SENP6: variants seen among roughly 807,000 people sequenced by gnomAD.
The protein encoded by SENP6 is SUMO specific peptidase 6.
Under a neutral mutation model 134.5 loss-of-function variants are expected in SENP6, and 41 were observed. The observed-to-expected ratio is 0.30, with a 90% CI of 0.24 to 0.40. The LOEUF is 0.40. SENP6 is among the 10% of genes least tolerant of loss of function. The pLI, the probability that SENP6 is intolerant of heterozygous loss-of-function variation, is 1.00. For synonymous variants in SENP6, 395 were observed against 429.8 expected, an observed-to-expected ratio of 0.92 and a Z score of 1.00; for missense variants, 1,248 against 1,312.5, an observed-to-expected ratio of 0.95 and a Z score of 0.76.
intron 16 of SENP6, among the ~76,000 whole-genome samples, chr6:75,686,442 T>C (rs1435295210): frequency 6.6e-6 from 1 of 152,352 alleles, no homozygotes; most frequent in East Asian, 1.9e-4. Context: ...GTCATTATGA[T>C]GTTCGCTGGT....
chr6:75,666,397 T>C (rs531156815), intron 9 of SENP6, among the ~76,000 whole-genome samples: 1 of 150,502 alleles, frequency 6.6e-6, no homozygotes, highest in Non-Finnish European at 1.5e-5. Flanking sequence ...GAAATAGACC[T>C]ACTGTTCTTC....
chr6:75,700,423 A>G (rs913638394), intron 18 of SENP6, among the ~76,000 whole-genome samples: 1 of 152,200 alleles, frequency 6.6e-6, no homozygotes, highest in African/African-American at 2.4e-5. Context: ...AAATATTAAG[A>G]ACTGTGATAG....
chr6:75,706,756 CAT>C (rs528204436), intron 19 of SENP6, among the ~76,000 whole-genome samples: 235 of 152,306 alleles, frequency 1.5e-3, no homozygotes, highest in African/African-American at 4.9e-3. Flanking sequence ...AGTGATTTCA[CAT>C]AGAGTCAACA....
At chr6:75,603,934 C>T (rs888136425) in intron 1 of SENP6, among the ~76,000 whole-genome samples, 2 of 152,178 alleles carry the variant, frequency 1.3e-5, no homozygotes, top group Non-Finnish European at 2.9e-5. Context: ...TTCGTATTAC[C>T]TCCATTCCAG....
At chr6:75,617,427 C>T (rs1767946238) in intron 1 of SENP6, among the ~76,000 whole-genome samples, 1 of 151,802 alleles carries the variant, frequency 6.6e-6, no homozygotes, top group South Asian at 2.1e-4. Context: ...GCATGCACCA[C>T]CACACCGGCT....
intron 3 of SENP6, 135 bp downstream of exon 3, chr6:75,624,095 TTTG>T: frequency 3.2e-6 from 2 of 625,596 alleles, no homozygotes; most frequent in Non-Finnish European, 5.4e-6. Flanking sequence ...GTGTTCCCAG[TTTG>T]TTATTTATCA....
rs1776023935 is a variant in SENP6 at position 75,716,431 on chromosome 6, A to G, written c.*837A>G. The stretch of plus-strand genomic sequence containing the variant: ...ATAAGCATTTTTAATCTGTGTAAAC[A>G]CAGGAATTTAAATAGGAATTTACTA... On this transcript the variant is annotated 3_prime_UTR_variant, in exon 24 of 24. Transcript: ENST00000447266. 6.6e-6 allele frequency: 1 copy of G among 152,020 alleles called. No homozygotes were observed. The highest frequency in any genetic ancestry group is 1.5e-5 in the Non-Finnish European group (1 of 67,868). 9.4% of individuals were successfully genotyped at this position (152,020 alleles called of 1,614,324 possible).
At chr6:75,698,480 C>T (rs1328643737) in intron 18 of SENP6, among the ~76,000 whole-genome samples, 6 of 151,732 alleles carry the variant, frequency 4.0e-5, no homozygotes, top group Non-Finnish European at 4.4e-5. Flanking sequence ...CTAGCTGTGC[C>T]AAGCTAGCTT....
intron 7 of SENP6, among the ~76,000 whole-genome samples, chr6:75,657,285 T>A (rs921213989): frequency 2.0e-5 from 3 of 152,240 alleles, no homozygotes; most frequent in African/African-American, 7.2e-5. Context: ...CCAAAATGTC[T>A]GCCTTCTTTT....
rs1772088589 is a variant in SENP6, at chr6:75,665,038, G to A, written c.994+1520G>A. 2.0e-5 allele frequency among the ~76,000 whole-genome samples: 3 copies of A among 152,206 alleles called. No individual in the cohort carries two copies. The South Asian group carries it at 6.2e-4, about 31-fold the overall frequency. On this transcript the variant is annotated intron_variant, in intron 9 of 23. Coordinates refer to ENST00000447266, the MANE Select transcript of SENP6 (RefSeq NM_015571.4). ...GCATTGGGTCATGCCTGTAATCCCAGCACTTTGGGAGGCTGAGGCGGGCGG... is the reference window on the plus strand; with the variant it reads ...GCATTGGGTCATGCCTGTAATCCCAACACTTTGGGAGGCTGAGGCGGGCGG...
chr6:75,618,015 C>G (rs1582676792), intron 1 of SENP6, among the ~76,000 whole-genome samples: 1 of 152,184 alleles, frequency 6.6e-6, no homozygotes, highest in African/African-American at 2.4e-5. Context: ...TTAAAGGGTA[C>G]ATGCCATGAA....
At position 75,648,472 on chromosome 6, in the gene SENP6, A is replaced by C. The variant is rs549545116; in HGVS notation, c.550+671A>C. Among the ~76,000 whole-genome samples the C allele has an allele frequency of 3.3e-5, 5 of 152,250 alleles. No homozygotes were observed. In the South Asian group the frequency reaches 1.0e-3, roughly 32 times the overall value. ...CAAAATAGAATAATTTTTAAAAGCT[A>C]GGTTTTTCTGATAGCTTAGAATGTG... On this transcript the variant is annotated intron_variant, in intron 7 of 23. Coordinates refer to ENST00000447266, the MANE Select transcript of SENP6 (RefSeq NM_015571.4).
At chr6:75,693,189 A>G (rs11756209) in intron 16 of SENP6, among the ~76,000 whole-genome samples, 43,425 of 151,838 alleles carry the variant, frequency 0.29, 6,787 homozygotes, top group Middle Eastern at 0.37. Flanking sequence ...CATTTGAGGA[A>G]TGGAGTTCGA....
chr6:75,704,920 CAT>C (rs1775289864), intron 19 of SENP6, among the ~76,000 whole-genome samples: 1 of 152,184 alleles, frequency 6.6e-6, no homozygotes, highest in Non-Finnish European at 1.5e-5. Flanking sequence ...CCATACAACA[CAT>C]GTTTTTGTGA....
At chr6:75,660,254 G>A (rs1194501453) in intron 8 of SENP6, among the ~76,000 whole-genome samples, 1 of 152,274 alleles carries the variant, frequency 6.6e-6, no homozygotes, top group African/African-American at 2.4e-5. Context: ...GGAGACATAC[G>A]ATGTTGATTT....
At chr6:75,691,359 A>G (rs2149891202) in intron 16 of SENP6, among the ~76,000 whole-genome samples, 1 of 152,002 alleles carries the variant, frequency 6.6e-6, no homozygotes. Flanking sequence ...TGCCCAGGCT[A>G]TTCTCAAGGG....
At position 75,666,813 on chromosome 6, in the gene SENP6, T is replaced by C; in HGVS notation, c.1096T>C (p.Ser366Pro). ...TTCAGCATGTTCTTCCCCTGCACCA[T>C]CCACTGGAAAAGTAGAAGCAGCGCT... ...ADSACSSPAP[S>P]TGKVEAALNE... The change falls in exon 10 of 24, where the codon TCC becomes CCC. Residue 366 changes from serine to proline, a missense_variant. Ser to Pro is a moderately conservative substitution (Grantham distance 74, BLOSUM62 -1). Transcript: ENST00000447266. 1 of 1,613,754 alleles carries C rather than the reference T, an allele frequency of 6.2e-7. No homozygotes were observed. Among genetic ancestry groups the C allele is most frequent in the Non-Finnish European group, 8.5e-7 (1 of 1,179,702 alleles).
At chr6:75,640,800 T>A in intron 6 of SENP6, 96 bp downstream of exon 6, 1 of 694,428 alleles carries the variant, frequency 1.4e-6, no homozygotes, top group Non-Finnish European at 2.2e-6. Flanking sequence ...TTAGAGTTTA[T>A]AATTAAAGCT....
At chr6:75,647,596 T>C in intron 6 of SENP6, 135 bp from the exon 7 acceptor site, 1 of 474,422 alleles carries the variant, frequency 2.1e-6, no homozygotes, top group African/African-American at 2.0e-5. Flanking sequence ...TTTTGTTATT[T>C]TATAGTATCA....
Sources: allele counts gnomAD v4.1 joint callset (sites outside exome capture counted in the v4.1 genomes callset), GRCh38; gene constraint gnomAD v4.1.1; transcripts MANE v1.5; gene names NCBI Gene and HGNC (gene_info 2026-07-23, HGNC 2026-07-21).